The following SEC24A variants were observed in gnomAD, a reference collection of about 807,000 sequenced individuals.
SEC24A encodes the protein protein transport protein Sec24A.
A neutral mutation model predicts 129.4 loss-of-function variants in SEC24A; 93 were observed. The ratio of observed to expected loss-of-function variants is 0.72; its 90% confidence interval spans 0.61 to 0.85. The LOEUF (loss-of-function observed/expected upper bound fraction) is 0.85. Ranked by LOEUF, SEC24A falls within the 40% of genes least tolerant of loss-of-function variation. The pLI is 0.00. For missense variants in SEC24A, 1,264 were observed against 1,307.4 expected, an observed-to-expected ratio of 0.97 and a Z score of 0.51; for synonymous variants, 460 against 467.3, an observed-to-expected ratio of 0.98 and a Z score of 0.20.
chr5:134,693,307 T>C, intron 12 of SEC24A: 2 of 1,395,928 alleles, frequency 1.4e-6, no homozygotes, highest in South Asian at 3.3e-5. Context: ...TGTAGTGATA[T>C]TACTAGTTGG....
intron 19 of SEC24A, among the ~76,000 whole-genome samples, chr5:134,717,423 C>G (rs1259498143): frequency 6.6e-6 from 1 of 151,700 alleles, no homozygotes; most frequent in Non-Finnish European, 1.5e-5. Flanking sequence ...AGGAGAATCA[C>G]TTGAATCTGG....
chr5:134,676,148 T>TC (rs1310628497), intron 7 of SEC24A, 23 bp downstream of exon 7: 2 of 1,560,326 alleles, frequency 1.3e-6, no homozygotes, highest in East Asian at 2.3e-5. Flanking sequence ...TCTTTTCTTT[T>TC]TTTTTTTTTG....
chr5:134,705,561 C>T (rs1220650596), intron 17 of SEC24A, 124 bp downstream of exon 17: 19 of 534,268 alleles, frequency 3.6e-5, no homozygotes, highest in Admixed American at 7.0e-5. Flanking sequence ...TGGGTGCCTG[C>T]TAAGTAACTA....
At chr5:134,724,340 G>A (rs972700886) in intron 22 of SEC24A, among the ~76,000 whole-genome samples, 1 of 152,136 alleles carries the variant, frequency 6.6e-6, no homozygotes, top group South Asian at 2.1e-4. Context: ...TGTAATCCCA[G>A]CACTTTGAGA....
At position 134,692,429 on chromosome 5, in the gene SEC24A, A is replaced by G. The variant is rs192809594; in HGVS notation, c.1724-173A>G. 3.9e-3 allele frequency among the ~76,000 whole-genome samples: 588 copies of G among 152,292 alleles called. 1 individual carries two copies. Among genetic ancestry groups the G allele is most frequent in the Non-Finnish European group, 6.5e-3 (444 of 68,016 alleles). On this transcript the variant is annotated intron_variant, in intron 11 of 22. Transcript: ENST00000398844. ...CAGAAAATTTGCAGTAGATACCTGT[A>G]TCATTGTGGTGGTTTTTTGGTGGTT...
At chr5:134,666,363 C>G (rs1170968701) in intron 2 of SEC24A, among the ~76,000 whole-genome samples, 1 of 152,144 alleles carries the variant, frequency 6.6e-6, no homozygotes, top group African/African-American at 2.4e-5. Flanking sequence ...CGAGACCAGC[C>G]TGGCCAACAT....
At chr5:134,693,356 G>C in intron 12 of SEC24A, 2 of 1,368,086 alleles carry the variant, frequency 1.5e-6, no homozygotes, top group Non-Finnish European at 1.9e-6. Flanking sequence ...ACAGGGAAGA[G>C]CTAAACTCGC....
chr5:134,697,827 A>T, intron 14 of SEC24A, 72 bp from the exon 15 acceptor site: 4 of 1,402,510 alleles, frequency 2.9e-6, no homozygotes, highest in Non-Finnish European at 3.9e-6. Context: ...ATTGATTCCA[A>T]TGTCTTTAGT....
chr5:134,658,503 G>A (rs1462899129), intron 1 of SEC24A, among the ~76,000 whole-genome samples: 1 of 152,090 alleles, frequency 6.6e-6, no homozygotes, highest in Non-Finnish European at 1.5e-5. Context: ...GGCTCAAGCA[G>A]TCCTCTTGCC....
intron 18 of SEC24A, among the ~76,000 whole-genome samples, chr5:134,714,624 G>C (rs376977921): frequency 6.6e-6 from 1 of 152,200 alleles, no homozygotes; most frequent in African/African-American, 2.4e-5. Context: ...GACCACTGAC[G>C]TAATGGATAT....
intron 19 of SEC24A, among the ~76,000 whole-genome samples, chr5:134,716,736 C>T (rs1356179063): frequency 2.1e-5 from 3 of 142,366 alleles, no homozygotes; most frequent in Non-Finnish European, 3.0e-5. Context: ...AGGCAAAGGT[C>T]GCAGTGAGCT....
intron 21 of SEC24A, among the ~76,000 whole-genome samples, chr5:134,722,211 C>T (rs1482429569): frequency 1.3e-5 from 2 of 151,978 alleles, no homozygotes; most frequent in Non-Finnish European, 1.5e-5. Flanking sequence ...GCAAGGTTGC[C>T]CGGGCGTGGT....
rs200745031 is a variant in SEC24A at position 134,692,642 on chromosome 5, A to G, written c.1764A>G (p.Leu588=). 13 of 1,413,108 alleles carry G rather than the reference A, an allele frequency of 9.2e-6. No homozygotes were observed. The Admixed American group carries it at 2.3e-4, about 25-fold the overall frequency. 87.5% of individuals were successfully genotyped at this position (1,413,108 alleles called of 1,614,324 possible). The change falls in exon 12 of 23, where the codon TTA becomes TTG. Residue 588 remains leucine (L), a synonymous_variant. Coordinates refer to ENST00000398844, the MANE Select transcript of SEC24A (RefSeq NM_021982.3). The part of the protein sequence containing the change: ...IPMPENLLVN[L]NESKELVQDL... The stretch of plus-strand genomic sequence containing the variant: ...TGCCAGAGAACTTATTAGTAAACTT[A>G]AATGAAAGTAAAGAGGTAAGGCACA...
rs536422891 is a variant in SEC24A at position 134,693,670 on chromosome 5, T to A, written c.1780-57T>A. The A allele has an allele frequency of 2.0e-5, 32 of 1,590,602 alleles. No homozygotes were observed. In the South Asian group the frequency reaches 3.4e-4, roughly 17 times the overall value. ...TTGTCTATTGTATGAGATACTGACT[T>A]AATGTGAAATAAAATTTTAATTATG... On this transcript the variant is annotated intron_variant, in intron 12 of 22. Transcript: ENST00000398844.
At chr5:134,724,814 A>T (rs918631155) in intron 22 of SEC24A, among the ~76,000 whole-genome samples, 166 bp from the exon 23 acceptor site, 3 of 152,188 alleles carry the variant, frequency 2.0e-5, no homozygotes, top group African/African-American at 7.2e-5. Flanking sequence ...TTTTCCCTTA[A>T]ACAACTTGAA....
At chr5:134,717,973 TGTAGAG>T (rs1752526780) in intron 19 of SEC24A, 90 bp from the exon 20 acceptor site, 1 of 824,314 alleles carries the variant, frequency 1.2e-6, no homozygotes, top group African/African-American at 1.7e-5. Context: ...GGCCCAGACT[TGTAGAG>T]GTAACATTCA....
chr5:134,694,031 G>A (rs1751744664), intron 13 of SEC24A, 98 bp downstream of exon 13: 1 of 969,192 alleles, frequency 1.0e-6, no homozygotes, highest in East Asian at 2.6e-5. Flanking sequence ...GTCAATTGTT[G>A]GGAGGAGGGA....
intron 9 of SEC24A, among the ~76,000 whole-genome samples, chr5:134,683,386 A>T (rs935265124): frequency 6.6e-6 from 1 of 152,040 alleles, no homozygotes; most frequent in South Asian, 2.1e-4. Flanking sequence ...CCTTCATACA[A>T]ATTTTTTTTC....
At chr5:134,686,464 T>G (rs1751456043) in intron 9 of SEC24A, among the ~76,000 whole-genome samples, 1 of 152,168 alleles carries the variant, frequency 6.6e-6, no homozygotes, top group Admixed American at 6.5e-5. Flanking sequence ...CTCGAACTCC[T>G]GACCTCAGGT....
Sources: gnomAD v4.1 joint callset for allele counts (sites outside exome capture counted in the v4.1 genomes callset) on GRCh38, gnomAD v4.1.1 for gene constraint, MANE v1.5 for transcripts, NCBI Gene and HGNC (gene_info 2026-07-23, HGNC 2026-07-21) for gene names.